Variants in CDH11 observed in about 807,000 individuals in gnomAD.
The protein encoded by CDH11 is cadherin-11.
Under a neutral mutation model 67.8 loss-of-function variants are expected in CDH11, and 11 were observed. That is an observed-to-expected ratio of 0.16 (90% CI 0.10 to 0.27). The LOEUF is 0.27. Among genes scored for constraint, CDH11 ranks in the 10% least tolerant of loss-of-function variants. The pLI is 1.00. For synonymous variants in CDH11, 419 were observed against 400.0 expected (o/e 1.05, Z -0.57); for missense variants, 847 against 1,031.2 (o/e 0.82, Z 2.45).
intron 2 of CDH11, among the ~76,000 whole-genome samples, chr16:65,023,347 A>G (rs954409713): frequency 2.0e-5 from 3 of 152,206 alleles, no homozygotes; most frequent in Non-Finnish European, 4.4e-5. Context: ...AATGGTGCCC[A>G]TGAGTCTTGA....
chr16:65,105,902 C>A (rs1309387320), intron 1 of CDH11, among the ~76,000 whole-genome samples: 6 of 152,330 alleles, frequency 3.9e-5, no homozygotes, highest in Non-Finnish European at 8.8e-5. Flanking sequence ...GATGCTATTA[C>A]CATGAATTTC....
At chr16:65,099,666 G>A (rs897154745) in intron 1 of CDH11, among the ~76,000 whole-genome samples, 1 of 152,140 alleles carries the variant, frequency 6.6e-6, no homozygotes, top group African/African-American at 2.4e-5. Flanking sequence ...ACCCAGAAAA[G>A]AGTAGATGGA....
chr16:65,044,679 G>T (rs2073924712), intron 2 of CDH11, among the ~76,000 whole-genome samples: 2 of 151,996 alleles, frequency 1.3e-5, no homozygotes, highest in South Asian at 2.1e-4. Flanking sequence ...GAGGTGTCAA[G>T]CATCACAATG....
chr16:65,044,017 A>C (rs2073911493), intron 2 of CDH11, among the ~76,000 whole-genome samples: 1 of 152,154 alleles, frequency 6.6e-6, no homozygotes, highest in Non-Finnish European at 1.5e-5. Context: ...AGGTCTCTGC[A>C]GTTTAAAGTG....
intron 2 of CDH11, among the ~76,000 whole-genome samples, chr16:65,028,072 G>A (rs2142606615): frequency 6.6e-6 from 1 of 152,342 alleles, no homozygotes; most frequent in East Asian, 1.9e-4. Flanking sequence ...TGAAGAATAT[G>A]TGAAGATTTT....
At chr16:65,088,181 C>T (rs1212063438) in intron 1 of CDH11, among the ~76,000 whole-genome samples, 1 of 152,094 alleles carries the variant, frequency 6.6e-6, no homozygotes, top group Non-Finnish European at 1.5e-5. Flanking sequence ...CAGAAGGTGC[C>T]GTCTATTTGG....
At chr16:65,095,880 T>C (rs978000373) in intron 1 of CDH11, among the ~76,000 whole-genome samples, 3 of 152,196 alleles carry the variant, frequency 2.0e-5, no homozygotes. Context: ...CTTATAAAAG[T>C]GAATCAAAAG....
chr16:65,003,898 G>A (rs2072984791), intron 3 of CDH11, among the ~76,000 whole-genome samples: 1 of 152,198 alleles, frequency 6.6e-6, no homozygotes, highest in South Asian at 2.1e-4. Flanking sequence ...GTCTAGTGAA[G>A]TAGACAGATT....
At chr16:65,053,697 T>C in intron 2 of CDH11, 107 bp downstream of exon 2, 1 of 412,360 alleles carries the variant, frequency 2.4e-6, no homozygotes, top group South Asian at 1.8e-5. Flanking sequence ...TTGGCTTTAG[T>C]GAAGGTCCAA....
chr16:64,993,510 G>T (rs942387864), intron 4 of CDH11, among the ~76,000 whole-genome samples: 5 of 152,188 alleles, frequency 3.3e-5, no homozygotes, highest in African/African-American at 1.2e-4. Flanking sequence ...TGCTTTGCAT[G>T]TAATAAAATT....
rs1484741580 is a variant in CDH11 at position 64,950,856 on chromosome 16, A to T, written c.1805T>A (p.Leu602His). Residue 602 changes from leucine to histidine, a missense_variant, in exon 12 of 13, where the codon CTC becomes CAC. This residue lies in a region of CDH11 where 612 missense variants were observed against 678.7 expected (regional missense o/e 0.90). Transcript: ENST00000268603. Reference sequence around the variant, plus strand: ...AATGTAGGCCTCTGCGTTGCAGGAGAGCAGTGCCCCGTTCACGTCGCACCC... The same window carrying T: ...AATGTAGGCCTCTGCGTTGCAGGAGTGCAGTGCCCCGTTCACGTCGCACCC... ...VCGCDVNGALLSCNAEAYILN... is the reference protein window; with the variant it reads ...VCGCDVNGALHSCNAEAYILN... 6.2e-7 allele frequency: 1 copy of T among 1,614,140 alleles called. No individual in the cohort carries two copies. Among genetic ancestry groups the T allele is most frequent in the Admixed American group, 1.7e-5 (1 of 60,008 alleles).
At chr16:65,068,622 C>T (rs950303766) in intron 1 of CDH11, among the ~76,000 whole-genome samples, 3 of 152,102 alleles carry the variant, frequency 2.0e-5, no homozygotes, top group Non-Finnish European at 4.4e-5. Flanking sequence ...CGCCCAAAAC[C>T]CTGTAACCTC....
At chr16:64,986,388 G>T (rs570110521) in intron 7 of CDH11, 9 of 151,998 alleles carry the variant, frequency 5.9e-5, no homozygotes, top group Non-Finnish European at 1.2e-4. Flanking sequence ...CATTTGCGAC[G>T]TGTGAGTTCC....
At position 65,014,292 on chromosome 16, in the gene CDH11, A is replaced by G. The variant is rs2073248391; in HGVS notation, c.-172-9251T>C. ...TAATGTCAGTCACGTGTAATTTTAA[A>G]TTTTCTAGAAGCCATATATTTAAAA... On this transcript the variant is annotated intron_variant, in intron 2 of 12. Transcript: ENST00000268603. Among the ~76,000 whole-genome samples the G allele has an allele frequency of 3.3e-5, 5 of 149,786 alleles. No individual in the cohort carries two copies. In the Admixed American group the frequency reaches 3.4e-4, roughly 10 times the overall value.
intron 1 of CDH11, among the ~76,000 whole-genome samples, chr16:65,064,353 C>G (rs138276674): frequency 3.9e-5 from 6 of 152,232 alleles, no homozygotes; most frequent in South Asian, 2.1e-4. Flanking sequence ...ATTCCTGTGG[C>G]GAGCACAGAG....
intron 11 of CDH11, 27 bp downstream of exon 11, chr16:64,971,552 T>C (rs769958307): frequency 2.8e-5 from 38 of 1,344,084 alleles, no homozygotes; most frequent in Non-Finnish European, 3.9e-5. Context: ...TCTACTTCTC[T>C]GAATGCGTAG....
intron 1 of CDH11, among the ~76,000 whole-genome samples, chr16:65,077,437 T>G (rs139943520): frequency 7.6e-4 from 116 of 152,298 alleles, no homozygotes; most frequent in African/African-American, 2.6e-3. Context: ...AGTGAAATTG[T>G]GATGTAAAGA....
At chr16:64,959,747 T>C (rs950860173) in intron 11 of CDH11, among the ~76,000 whole-genome samples, 2 of 152,292 alleles carry the variant, frequency 1.3e-5, no homozygotes, top group East Asian at 1.9e-4. Context: ...GAAAAATACA[T>C]CCTACAGAAA....
At chr16:65,109,575 A>T (rs1459332158) in intron 1 of CDH11, among the ~76,000 whole-genome samples, 1 of 152,152 alleles carries the variant, frequency 6.6e-6, no homozygotes, top group South Asian at 2.1e-4. Flanking sequence ...ACTTGAGGCC[A>T]CTTGTCCATT....
Sources: gnomAD v4.1 joint callset for allele counts (sites outside exome capture counted in the v4.1 genomes callset) on GRCh38, gnomAD v4.1.1 for gene constraint, gnomAD v4.1.1 regional missense constraint, MANE v1.5 for transcripts, NCBI Gene and HGNC (gene_info 2026-07-23, HGNC 2026-07-21) for gene names.